Variants in ZC3H18 observed in about 807,000 individuals in gnomAD.
ZC3H18 encodes zinc finger CCCH-type containing 18.
In ZC3H18, 8 loss-of-function variants were observed where a neutral mutation model predicts 106.1. The observed-to-expected ratio is 0.08, with a 90% CI of 0.04 to 0.14. The LOEUF (loss-of-function observed/expected upper bound fraction) is 0.14, where lower values mean the gene tolerates loss of function less well. Among genes scored for constraint, ZC3H18 ranks in the 10% least tolerant of loss-of-function variants. The pLI, the probability that ZC3H18 is intolerant of heterozygous loss-of-function variation, is 1.00. For synonymous variants in ZC3H18, 635 were observed against 522.1 expected, an observed-to-expected ratio of 1.22 and a Z score of -2.95; for missense variants, 1,318 against 1,278.4, an observed-to-expected ratio of 1.03 and a Z score of -0.47.
chr16:88,600,796 C>A (rs1300871434), intron 6 of ZC3H18, among the ~76,000 whole-genome samples: 5 of 152,212 alleles, frequency 3.3e-5, no homozygotes, highest in African/African-American at 1.2e-4. Flanking sequence ...TGGGGGATTG[C>A]ATGGCATATA....
At position 88,630,134 on chromosome 16, in the gene ZC3H18, G is replaced by A. The variant is rs1567602103; in HGVS notation, c.2567-351G>A. The A allele has an allele frequency of 2.2e-5, 5 of 230,224 alleles. No homozygotes were observed. The East Asian group carries it at 4.4e-4, about 20-fold the overall frequency. The allele number at this position is 230,224 out of a possible 1,614,324, so 14.3% of individuals were successfully genotyped here. On this transcript the variant is annotated intron_variant, in intron 16 of 17. Coordinates refer to ENST00000301011, the MANE Select transcript of ZC3H18 (RefSeq NM_144604.4). ...CAGAGTGAAACACTCCTAGTCTCTC[G>A]GCTTTGCTTGTATTTCTTTACTGCC...
chr16:88,587,401 T>C, intron 3 of ZC3H18: 1 of 667,842 alleles, frequency 1.5e-6, no homozygotes, highest in East Asian at 2.7e-5. Flanking sequence ...ATATTTCTTG[T>C]AATTCAGCGT....
At chr16:88,575,121 G>A (rs1043659458) in intron 1 of ZC3H18, among the ~76,000 whole-genome samples, 3 of 151,532 alleles carry the variant, frequency 2.0e-5, no homozygotes, top group African/African-American at 7.3e-5. Flanking sequence ...GAGCCACCGT[G>A]CCCGGCCTCT....
intron 2 of ZC3H18, among the ~76,000 whole-genome samples, chr16:88,580,121 G>C (rs527585802): frequency 1.2e-3 from 181 of 150,850 alleles, no homozygotes; most frequent in African/African-American, 4.1e-3. Flanking sequence ...CTGTTTCTCT[G>C]TTGCCTCTGC....
intron 3 of ZC3H18, among the ~76,000 whole-genome samples, chr16:88,592,348 A>G (rs371071594): frequency 6.6e-6 from 1 of 152,054 alleles, no homozygotes; most frequent in South Asian, 2.1e-4. Flanking sequence ...CTCAGTTTTG[A>G]ATCCTTGCAA....
rs141358180 is a variant in ZC3H18, at chr16:88,628,056, C to A, written c.2406C>A (p.Pro802=). 6.2e-7 allele frequency: 1 copy of A among 1,613,978 alleles called. No homozygotes were observed. Among genetic ancestry groups the A allele is most frequent in the Non-Finnish European group, 8.5e-7 (1 of 1,180,032 alleles). ...QQPSTPQQAP[P]GQPQQGTFVA... is the part of the protein sequence containing the mutation. ...CCTCGACACCCCAGCAGGCACCCCC[C>A]GGGCAGCCCCAGCAGGGCACATTTG... Residue 802 remains proline, a synonymous_variant, in exon 15 of 18, where the codon CCC becomes CCA. Transcript: ENST00000301011.
chr16:88,625,132 G>A lies in ZC3H18; in HGVS notation c.2043-70G>A, dbSNP rs567082842. ...GGAGGCTCACCTCACAGGGCTGCTG[G>A]TGGGGAGGGGAGGCCGCGAGGGGCT... On this transcript the variant is annotated intron_variant, in intron 12 of 17. Coordinates refer to ENST00000301011, the MANE Select transcript of ZC3H18 (RefSeq NM_144604.4). 2,491 of 1,530,336 alleles carry A rather than the reference G, an allele frequency of 1.6e-3. 6 individuals are homozygous for A. Among genetic ancestry groups the A allele is most frequent in the Admixed American group, 4.2e-3 (215 of 50,956 alleles). The allele number at this position is 1,530,336 out of a possible 1,614,324, so 94.8% of individuals were successfully genotyped here. A position where few individuals can be genotyped will look rare whatever the true frequency, so the allele number is the denominator to read the frequency against.
chr16:88,621,446 G>C (rs186539890), intron 8 of ZC3H18, among the ~76,000 whole-genome samples: 1 of 152,032 alleles, frequency 6.6e-6, no homozygotes, highest in African/African-American at 2.4e-5. Flanking sequence ...GGATGGTCTC[G>C]ATCTCTTGAC....
chr16:88,600,633 G>A (rs141541606), intron 6 of ZC3H18, among the ~76,000 whole-genome samples: 8 of 152,246 alleles, frequency 5.3e-5, no homozygotes, highest in East Asian at 1.9e-4. Flanking sequence ...GGATGGTCTC[G>A]AACTCCTGAC....
rs553194408 is a variant in ZC3H18 at position 88,587,973 on chromosome 16, A to C, written c.688+1289A>C. On this transcript the variant is annotated intron_variant, in intron 3 of 17. Transcript: ENST00000301011. ...TGCTTGCTTGGTTTTGCCAAGCAAA[A>C]ACAGTTGACGTGCCCAAGTCACACG... 5.3e-5 allele frequency among the ~76,000 whole-genome samples: 8 copies of C among 152,286 alleles called. No homozygotes were observed. In the East Asian group the frequency reaches 1.5e-3, roughly 29 times the overall value.
At chr16:88,616,331 G>A (rs574414149) in intron 8 of ZC3H18, among the ~76,000 whole-genome samples, 7 of 152,336 alleles carry the variant, frequency 4.6e-5, no homozygotes, top group East Asian at 1.9e-4. Context: ...TCCCTTCTGC[G>A]AGGCTCACGT....
At chr16:88,628,632 A>C (rs536184510) in intron 15 of ZC3H18, 126 bp from the exon 16 acceptor site, 5 of 998,760 alleles carry the variant, frequency 5.0e-6, no homozygotes, top group Non-Finnish European at 7.7e-6. Flanking sequence ...ACGGGGTCTC[A>C]TGGGTGTGTG....
At chr16:88,622,112 C>G in intron 8 of ZC3H18, 85 bp from the exon 9 acceptor site, 2 of 1,449,410 alleles carry the variant, frequency 1.4e-6, no homozygotes, top group Admixed American at 4.7e-5. Context: ...GTATGAGATC[C>G]ATAGTCTCTC....
rs1567602535 is a variant in ZC3H18, at chr16:88,630,761, C to CCG, written c.2663+181_2663+182insGC. ...GAATTGCAGCCCCACCCCCCACCCC[C>CCG]CCCCACACACACACACACGCTCCTG... On this transcript the variant is annotated intron_variant, in intron 17 of 17. Coordinates refer to ENST00000301011, the MANE Select transcript of ZC3H18 (RefSeq NM_144604.4). 1.8e-5 allele frequency among the ~76,000 whole-genome samples: 2 copies of CCG among 109,712 alleles called. 1 individual carries two copies. The highest frequency in any genetic ancestry group is 4.3e-5 in the Non-Finnish European group (2 of 46,726). 72.0% of individuals were successfully genotyped at this position (109,712 alleles called of 152,430 possible). A position where few individuals can be genotyped will look rare whatever the true frequency, so the allele number is the denominator to read the frequency against.
At chr16:88,614,121 ATGT>A (rs1054835776) in intron 8 of ZC3H18, among the ~76,000 whole-genome samples, 1 of 152,238 alleles carries the variant, frequency 6.6e-6, no homozygotes, top group Non-Finnish European at 1.5e-5. Context: ...CAACTCAGGG[ATGT>A]TGTTTGACTT....
Position 88,577,559 on chromosome 16 carries a change from G to C in ZC3H18, c.436G>C (p.Glu146Gln). Residue 146 changes from glutamate to glutamine, a missense_variant, in exon 2 of 18, where the codon GAG (glutamate) becomes CAG (glutamine). Coordinates refer to ENST00000301011, the MANE Select transcript of ZC3H18 (RefSeq NM_144604.4). Reference protein sequence around the residue: ...EEPAPAVQEDEAEKAGAEDDE... With the variant: ...EEPAPAVQEDQAEKAGAEDDE... Reference sequence around the variant, plus strand: ...GCCAGCTCCCGCCGTCCAGGAGGACGAGGCTGAGAAAGCGGGGGCTGAGGA... The same window carrying C: ...GCCAGCTCCCGCCGTCCAGGAGGACCAGGCTGAGAAAGCGGGGGCTGAGGA... The C allele has an allele frequency of 6.2e-7, 1 of 1,613,728 alleles. No individual in the cohort carries two copies. Among genetic ancestry groups the C allele is most frequent in the Non-Finnish European group, 8.5e-7 (1 of 1,180,004 alleles).
chr16:88,582,920 G>C (rs1276128799), intron 2 of ZC3H18, among the ~76,000 whole-genome samples: 2 of 152,210 alleles, frequency 1.3e-5, no homozygotes, highest in Non-Finnish European at 2.9e-5. Context: ...TAGACCCTGT[G>C]TTGTCACCTT....
In ZC3H18 at chr16:88,593,227, T is replaced by G. The variant is rs559257605; in HGVS notation, c.689-4951T>G. On this transcript the variant is annotated intron_variant, in intron 3 of 17. Coordinates refer to ENST00000301011, the MANE Select transcript of ZC3H18 (RefSeq NM_144604.4). Reference sequence around the variant, plus strand: ...CCCCCCTTGACCTCCTGCCAATGCGTCAGAAGGAAGGTCACCTGCCCCCAG... The same window carrying G: ...CCCCCCTTGACCTCCTGCCAATGCGGCAGAAGGAAGGTCACCTGCCCCCAG... 3.3e-5 allele frequency among the ~76,000 whole-genome samples: 5 copies of G among 152,186 alleles called. No homozygotes were observed. The South Asian group carries it at 1.0e-3, about 32-fold the overall frequency.
intron 8 of ZC3H18, among the ~76,000 whole-genome samples, chr16:88,613,811 C>T (rs1229554766): frequency 1.3e-5 from 2 of 152,112 alleles, no homozygotes; most frequent in African/African-American, 4.8e-5. Context: ...TGTAAGATAC[C>T]ATTGACTAAT....
Sources: gnomAD v4.1 joint callset for allele counts (sites outside exome capture counted in the v4.1 genomes callset) on GRCh38, gnomAD v4.1.1 for gene constraint, MANE v1.5 for transcripts, NCBI Gene and HGNC (gene_info 2026-07-23, HGNC 2026-07-21) for gene names.